Variants in R3HDM2 observed in about 807,000 individuals in gnomAD.
R3HDM2 encodes R3H domain containing 2.
R3HDM2 carries 38 observed loss-of-function variants against 124.5 expected under a neutral mutation model. That is an observed-to-expected ratio of 0.31 (90% CI 0.24 to 0.40). R3HDM2 has a LOEUF of 0.40. Among genes scored for constraint, R3HDM2 ranks in the 10% least tolerant of loss-of-function variants. The pLI, the probability that R3HDM2 is intolerant of heterozygous loss-of-function variation, is 1.00. For synonymous variants in R3HDM2, 391 were observed against 448.0 expected (o/e 0.87, Z 1.61); for missense variants, 869 against 1,236.9 (o/e 0.70, Z 4.46).
At chr12:57,325,064 G>A (rs555822066) in intron 2 of R3HDM2, among the ~76,000 whole-genome samples, 1 of 152,284 alleles carries the variant, frequency 6.6e-6, no homozygotes, top group African/African-American at 2.4e-5. Flanking sequence ...AACCAAACCT[G>A]CCAACACCTT....
chr12:57,406,213 C>T (rs908291560), intron 1 of R3HDM2, among the ~76,000 whole-genome samples: 3 of 150,338 alleles, frequency 2.0e-5, no homozygotes, highest in African/African-American at 4.9e-5. Flanking sequence ...CCCAGCTACT[C>T]GGGAGGCTGA....
rs943349813 is a variant in R3HDM2 at position 57,396,389 on chromosome 12, C to T, written c.-105-571G>A. Among the ~76,000 whole-genome samples the T allele has an allele frequency of 4.0e-5, 6 of 151,636 alleles. No individual in the cohort carries two copies. In the South Asian group the frequency reaches 6.2e-4, roughly 16 times the overall value. On this transcript the variant is annotated intron_variant, in intron 1 of 23. Coordinates refer to ENST00000402412, the MANE Select transcript of R3HDM2 (RefSeq NM_001394031.1). ...CCGGGAGACGGAGGTTGCAGTGAGC[C>T]GAGATCGCACCACTGCACTCCAGCC...
chr12:57,381,059 G>A (rs1387754291), intron 2 of R3HDM2, among the ~76,000 whole-genome samples: 3 of 151,808 alleles, frequency 2.0e-5, no homozygotes, highest in African/African-American at 7.3e-5. Flanking sequence ...GTGAAACCCC[G>A]TTTCTACTAA....
chr12:57,371,044 A>T (rs898463074), intron 2 of R3HDM2, among the ~76,000 whole-genome samples: 1 of 145,280 alleles, frequency 6.9e-6, no homozygotes, highest in African/African-American at 2.6e-5. Flanking sequence ...AAAATATTTC[A>T]TCATTACTCC....
chr12:57,318,647 C>CA (rs796518215), intron 2 of R3HDM2, among the ~76,000 whole-genome samples: 225 of 117,010 alleles, frequency 1.9e-3, no homozygotes, highest in South Asian at 0.013. Flanking sequence ...GACTCCATCT[C>CA]AAAAAAAAAA....
At chr12:57,412,215 T>C (rs189763162) in intron 1 of R3HDM2, among the ~76,000 whole-genome samples, 27 of 152,272 alleles carry the variant, frequency 1.8e-4, no homozygotes, top group East Asian at 1.2e-3. Context: ...ATGTAAAATA[T>C]ATATGCAGAT....
At chr12:57,397,604 G>C (rs2067676904) in intron 1 of R3HDM2, among the ~76,000 whole-genome samples, 1 of 152,134 alleles carries the variant, frequency 6.6e-6, no homozygotes, top group Admixed American at 6.5e-5. Flanking sequence ...AGAGGATATT[G>C]CCTTTCCCCT....
chr12:57,342,104 C>A (rs963992996), intron 2 of R3HDM2, among the ~76,000 whole-genome samples: 10 of 152,128 alleles, frequency 6.6e-5, no homozygotes, highest in African/African-American at 2.4e-4. Context: ...TTTATAGCTT[C>A]TTTCTACCCA....
intron 11 of R3HDM2, among the ~76,000 whole-genome samples, chr12:57,291,754 T>G (rs2048687237): frequency 6.6e-6 from 1 of 152,200 alleles, no homozygotes; most frequent in Non-Finnish European, 1.5e-5. Context: ...GTTACTCATG[T>G]GATTGTGAGA....
intron 2 of R3HDM2, among the ~76,000 whole-genome samples, chr12:57,319,162 C>T (rs932360490): frequency 9.9e-5 from 15 of 152,142 alleles, no homozygotes; most frequent in Admixed American, 6.5e-4. Flanking sequence ...GGCATGATCT[C>T]GGCAACCTCC....
In R3HDM2 at chr12:57,298,109, T is replaced by C. The variant is rs1440004119; in HGVS notation, c.481A>G (p.Thr161Ala). ...GIDLHEFLVNTLKKNPRDRMM... is the reference protein window; with the variant it reads ...GIDLHEFLVNALKKNPRDRMM... ...TATTACCTTGGGTTCTTTTTCAGTGTATTTACAAGAAATTCATGTAGGTCT... is the reference window on the plus strand; with the variant it reads ...TATTACCTTGGGTTCTTTTTCAGTGCATTTACAAGAAATTCATGTAGGTCT... The change falls in exon 7 of 24, where the codon ACA (threonine) becomes GCA (alanine). Residue 161 changes from threonine to alanine, a missense_variant. Physicochemically the swap from Thr to Ala is moderately conservative, Grantham distance 58 (BLOSUM62 0). This residue lies in a region of R3HDM2 where 267 missense variants were observed against 447.7 expected (regional missense o/e 0.60). Coordinates refer to ENST00000402412, the MANE Select transcript of R3HDM2 (RefSeq NM_001394031.1). The C allele has an allele frequency of 6.4e-7, 1 of 1,550,980 alleles. No individual in the cohort carries two copies. Among genetic ancestry groups the C allele is most frequent in the Non-Finnish European group, 8.7e-7 (1 of 1,146,528 alleles).
chr12:57,270,290 C>T (rs1052383105), intron 14 of R3HDM2, among the ~76,000 whole-genome samples: 3 of 152,068 alleles, frequency 2.0e-5, no homozygotes, highest in Non-Finnish European at 4.4e-5. Context: ...TGGCTCAATC[C>T]CAGCTCACTG....
intron 2 of R3HDM2, among the ~76,000 whole-genome samples, chr12:57,329,003 C>A (rs1441648524): frequency 6.6e-6 from 1 of 151,844 alleles, no homozygotes; most frequent in Non-Finnish European, 1.5e-5. Flanking sequence ...GTAGAAGATC[C>A]CAATCCTAAT....
At chr12:57,260,263 CAAAAAAAAA>C (rs566868060) in intron 19 of R3HDM2, among the ~76,000 whole-genome samples, 2 of 31,562 alleles carry the variant, frequency 6.3e-5, no homozygotes, top group Non-Finnish European at 1.1e-4. Flanking sequence ...GACCCTGCCT[CAAAAAAAAA>C]AAAAAAAAAA....
chr12:57,360,702 G>GGC (rs1440337001), intron 2 of R3HDM2, among the ~76,000 whole-genome samples: 1 of 151,776 alleles, frequency 6.6e-6, no homozygotes, highest in Non-Finnish European at 1.5e-5. Context: ...AAAAAGGAAA[G>GGC]GAAAGGAAGA....
intron 1 of R3HDM2, among the ~76,000 whole-genome samples, chr12:57,409,223 C>T (rs1035825544): frequency 1.3e-5 from 2 of 152,046 alleles, no homozygotes; most frequent in African/African-American, 4.8e-5. Context: ...ATACAATATT[C>T]TTCCTTATCA....
chr12:57,257,138 G>C (rs1311222727), intron 21 of R3HDM2, among the ~76,000 whole-genome samples: 1 of 152,014 alleles, frequency 6.6e-6, no homozygotes, highest in Non-Finnish European at 1.5e-5. Context: ...CTCTTATATA[G>C]ATTCTCCCAA....
chr12:57,324,634 A>C (rs1391542179), intron 2 of R3HDM2, among the ~76,000 whole-genome samples: 1 of 152,232 alleles, frequency 6.6e-6, no homozygotes, highest in Non-Finnish European at 1.5e-5. Flanking sequence ...CCCGATATCC[A>C]ATCATCTCTT....
intron 2 of R3HDM2, among the ~76,000 whole-genome samples, chr12:57,361,035 G>T: frequency 1.0e-5 from 1 of 96,018 alleles, no homozygotes; most frequent in Non-Finnish European, 1.9e-5. Flanking sequence ...GGGCAACAGA[G>T]CAAGACACGT....
Sources: gnomAD v4.1 joint callset for allele counts (sites outside exome capture counted in the v4.1 genomes callset) on GRCh38, gnomAD v4.1.1 for gene constraint, gnomAD v4.1.1 regional missense constraint, MANE v1.5 for transcripts, NCBI Gene and HGNC (gene_info 2026-07-23, HGNC 2026-07-21) for gene names.